NSD1: variants seen among roughly 807,000 people sequenced by gnomAD.
The protein encoded by NSD1 is nuclear receptor binding SET domain protein 1, also known as histone-lysine N-methyltransferase, H3 lysine-36 specific.
NSD1 carries 26 observed loss-of-function variants against 242.7 expected under a neutral mutation model. The ratio of observed to expected loss-of-function variants is 0.11; its 90% CI spans 0.08 to 0.15. The LOEUF is 0.15. Ranked by LOEUF, NSD1 falls within the 10% of genes least tolerant of loss-of-function variation. The pLI is 1.00. For missense variants in NSD1, 2,495 were observed against 3,272.8 expected (o/e 0.76, Z 5.80); for synonymous variants, 1,106 against 1,178.1 (o/e 0.94, Z 1.25).
chr5:177,252,539 CTTTTTTTTTTTTTTTTTTTT>C lies in NSD1; in HGVS notation c.4765+697_4765+716del, dbSNP rs70991600. On this transcript the variant is annotated intron_variant, in intron 12 of 22. Coordinates refer to ENST00000439151, the MANE Select transcript of NSD1 (RefSeq NM_022455.5). ...TAAAGCTGCGCTAAAGTAAAGTGTTCTTTTTTTTTTTTTTTTTTTTTTTTTTTTTTAATAAGAGATGAGGT... is the reference window on the plus strand; with the variant it reads ...TAAAGCTGCGCTAAAGTAAAGTGTTCTTTTTTTTTTAATAAGAGATGAGGT... 8.4e-5 allele frequency among the ~76,000 whole-genome samples: 4 copies of C among 47,400 alleles called. No individual in the cohort carries two copies. In the Admixed American group the frequency reaches 1.6e-3, roughly 18 times the overall value. 31.1% of individuals were successfully genotyped at this position (47,400 alleles called of 152,430 possible).
intron 14 of NSD1, chr5:177,265,794 C>T (rs542810399): frequency 8.5e-6 from 12 of 1,416,616 alleles, no homozygotes; most frequent in East Asian, 4.6e-5. Flanking sequence ...CCGGTCCCTC[C>T]GGTCCTCTTG....
At chr5:177,138,112 AAC>A (rs1376042687) in intron 2 of NSD1, among the ~76,000 whole-genome samples, 1 of 151,996 alleles carries the variant, frequency 6.6e-6, no homozygotes, top group Non-Finnish European at 1.5e-5. Flanking sequence ...CAAACAAACA[AAC>A]AAAAAACTGA....
intron 2 of NSD1, among the ~76,000 whole-genome samples, chr5:177,145,000 G>A (rs908999376): frequency 3.3e-5 from 5 of 150,898 alleles, no homozygotes; most frequent in Non-Finnish European, 7.4e-5. Flanking sequence ...CAGGAGGATC[G>A]CTTGAACCCA....
chr5:177,240,690 G>T lies in NSD1; in HGVS notation c.4302+825G>T, dbSNP rs928524619. 5.3e-5 allele frequency among the ~76,000 whole-genome samples: 8 copies of T among 152,098 alleles called. No homozygotes were observed. The South Asian group carries it at 1.7e-3, about 32-fold the overall frequency. On this transcript the variant is annotated intron_variant, in intron 8 of 22. Coordinates refer to ENST00000439151, the MANE Select transcript of NSD1 (RefSeq NM_022455.5). ...ATGGCGCCACTGCACTCCAGCCTGG[G>T]TGACAGGGCGAGACTCCGTCTCAAA...
chr5:177,225,944 T>C (rs1206215048), intron 5 of NSD1, among the ~76,000 whole-genome samples: 1 of 152,232 alleles, frequency 6.6e-6, no homozygotes, highest in Non-Finnish European at 1.5e-5. Flanking sequence ...GTTACACAAA[T>C]TCAACAGTAT....
At chr5:177,136,434 T>G (rs1223022313) in intron 2 of NSD1, 1 of 185,692 alleles carries the variant, frequency 5.4e-6, no homozygotes, top group African/African-American at 2.4e-5. Flanking sequence ...ATTATTTTTT[T>G]ACTTGATGAC....
Position 177,211,845 on chromosome 5 carries a change from A to C in NSD1, c.3446A>C (p.Asn1149Thr), listed in dbSNP as rs371411764. 2.9e-5 allele frequency: 46 copies of C among 1,613,928 alleles called. No homozygotes were observed. The highest frequency in any genetic ancestry group is 3.8e-5 in the Non-Finnish European group (45 of 1,180,004). ...ATGAACAGTGAGAATGATGAACTCAATGGTGTAAATCAAGTGGTGCCTAAA... is the reference window on the plus strand; with the variant it reads ...ATGAACAGTGAGAATGATGAACTCACTGGTGTAAATCAAGTGGTGCCTAAA... ...SVMNSENDEL[N>T]GVNQVVPKKR... is the part of the protein sequence containing the mutation. Residue 1149 changes from asparagine to threonine, a missense_variant, in exon 5 of 23, where the codon AAT (asparagine) becomes ACT (threonine). Asn to Thr is a moderately conservative substitution (Grantham distance 65). Coordinates refer to ENST00000439151, the MANE Select transcript of NSD1 (RefSeq NM_022455.5).
chr5:177,145,977 G>A (rs957512642), intron 2 of NSD1, among the ~76,000 whole-genome samples: 4 of 150,510 alleles, frequency 2.7e-5, no homozygotes, highest in Non-Finnish European at 5.9e-5. Context: ...TAATCCCAGC[G>A]TTTTGGAAGG....
intron 14 of NSD1, chr5:177,266,243 T>C: frequency 1.3e-6 from 1 of 798,102 alleles, no homozygotes; most frequent in Admixed American, 1.8e-5. Flanking sequence ...CACCGGGAGC[T>C]CTATCTCCTC....
chr5:177,264,862 A>C lies in NSD1; in HGVS notation c.5147-2700A>C. On this transcript the variant is annotated intron_variant, in intron 14 of 22. Coordinates refer to ENST00000439151, the MANE Select transcript of NSD1 (RefSeq NM_022455.5). ...TGTTCCTTTGGCCGCATATATGCGAATCTATAAGAAAGGTGATATTGTAGA... is the reference window on the plus strand; with the variant it reads ...TGTTCCTTTGGCCGCATATATGCGACTCTATAAGAAAGGTGATATTGTAGA... 3 of 764,136 alleles carry C rather than the reference A, an allele frequency of 3.9e-6. No individual in the cohort carries two copies. In the South Asian group the frequency reaches 4.0e-5, roughly 10 times the overall value. 47.3% of individuals were successfully genotyped at this position (764,136 alleles called of 1,614,324 possible).
intron 15 of NSD1, among the ~76,000 whole-genome samples, chr5:177,268,871 G>T (rs916917112): frequency 1.3e-5 from 2 of 152,118 alleles, no homozygotes; most frequent in Admixed American, 6.6e-5. Context: ...GTCACATAAT[G>T]TCTAGTTCAC....
intron 17 of NSD1, among the ~76,000 whole-genome samples, chr5:177,275,423 T>C (rs1220193825): frequency 3.4e-5 from 5 of 148,738 alleles, no homozygotes; most frequent in Non-Finnish European, 7.4e-5. Flanking sequence ...GATTCCATTG[T>C]GCTTCCCTTG....
Position 177,210,601 on chromosome 5 carries a change from G to T in NSD1, c.2202G>T (p.Lys734Asn). 1 of 1,614,060 alleles carries T rather than the reference G, an allele frequency of 6.2e-7. No individual in the cohort carries two copies. Among genetic ancestry groups the T allele is most frequent in the Non-Finnish European group, 8.5e-7 (1 of 1,180,024 alleles). The change falls in exon 5 of 23, where the codon AAG becomes AAT. Residue 734 changes from lysine (K) to asparagine (N), a missense_variant. By Grantham distance (94) the Lys-to-Asn change is moderately conservative (BLOSUM62 0). Coordinates refer to ENST00000439151, the MANE Select transcript of NSD1 (RefSeq NM_022455.5). The part of the protein sequence containing the change: ...ETSQVNLSDL[K>N]ASTLVHKPQS... ...CTCAGGTTAATCTCTCTGATCTGAA[G>T]GCATCTACTCTTGTTCACAAACCCC...
At chr5:177,146,495 C>T (rs1013962675) in intron 2 of NSD1, among the ~76,000 whole-genome samples, 2 of 152,042 alleles carry the variant, frequency 1.3e-5, no homozygotes, top group East Asian at 1.9e-4. Flanking sequence ...TGAGCCACCG[C>T]GTCCAGCCAG....
At chr5:177,170,978 C>G (rs928847837) in intron 2 of NSD1, among the ~76,000 whole-genome samples, 14 of 150,348 alleles carry the variant, frequency 9.3e-5, no homozygotes, top group African/African-American at 3.4e-4. Flanking sequence ...ATTTTTGTCA[C>G]TTCAAAATGA....
In NSD1 at chr5:177,171,049, G is replaced by A. The variant is rs997434131; in HGVS notation, c.928-20835G>A. Among the ~76,000 whole-genome samples, 7 of 150,886 alleles carry A rather than the reference G, an allele frequency of 4.6e-5. No individual in the cohort carries two copies. The East Asian group carries it at 5.8e-4, about 13-fold the overall frequency. ...AAAAAAAAAGGAAACCGGGCGGGGC[G>A]TGGTGGCTCAGGCCTGTAATCCCAG... On this transcript the variant is annotated intron_variant, in intron 2 of 22. Coordinates refer to ENST00000439151, the MANE Select transcript of NSD1 (RefSeq NM_022455.5).
At chr5:177,257,506 C>T (rs1276813762) in intron 13 of NSD1, among the ~76,000 whole-genome samples, 1 of 152,164 alleles carries the variant, frequency 6.6e-6, no homozygotes, top group Admixed American at 6.5e-5. Flanking sequence ...GCTGGGATTA[C>T]AGGCGTGAGC....
chr5:177,265,807 G>A (rs561170093), intron 14 of NSD1: 1 of 1,391,424 alleles, frequency 7.2e-7, no homozygotes, highest in Non-Finnish European at 1.0e-6. Context: ...TCCTCTTGTG[G>A]CAGTGCGTAA....
chr5:177,238,529 A>G lies in NSD1; in HGVS notation c.4192+22A>G. 2 of 1,607,534 alleles carry G rather than the reference A, an allele frequency of 1.2e-6. No individual in the cohort carries two copies. ...CCAGGTAAGGTGGGGTTGGGGTCTC[A>G]GTATTTGAGCAGATATGATTAGAGG... On this transcript the variant is annotated intron_variant, in intron 7 of 22. Coordinates refer to ENST00000439151, the MANE Select transcript of NSD1 (RefSeq NM_022455.5). The surrounding 1 kb of genome is among the most constrained non-coding windows in gnomAD (Gnocchi z 4.6).
Sources: gnomAD v4.1 joint callset for allele counts (sites outside exome capture counted in the v4.1 genomes callset) on GRCh38, gnomAD v4.1.1 for gene constraint, Gnocchi (gnomAD v3.1) non-coding constraint, MANE v1.5 for transcripts, NCBI Gene and HGNC (gene_info 2026-07-23, HGNC 2026-07-21) for gene names.